PHEX: variants seen among roughly 807,000 people sequenced by gnomAD.
PHEX encodes the protein phosphate-regulating neutral endopeptidase PHEX.
In PHEX, 16 loss-of-function variants were observed where a neutral mutation model predicts 68.0. That is an observed-to-expected ratio of 0.24 (90% CI 0.16 to 0.36). The LOEUF (loss-of-function observed/expected upper bound fraction) is 0.36, where lower values mean the gene tolerates loss of function less well. Among genes scored for constraint, PHEX ranks in the 10% least tolerant of loss-of-function variants. PHEX has a pLI of 1.00. For missense variants in PHEX, 480 were observed against 575.5 expected (o/e 0.83, Z 1.70); for synonymous variants, 208 against 205.1 (o/e 1.01, Z -0.12).
chrX:22,043,095 T>C (rs748221282), intron 2 of PHEX, among the ~76,000 whole-genome samples: 1 of 112,906 alleles, frequency 8.9e-6, no homozygotes, highest in South Asian at 3.6e-4. Flanking sequence ...AAGTATTACA[T>C]GATCTGTGGT....
intron 12 of PHEX, among the ~76,000 whole-genome samples, chrX:22,136,830 G>A (rs377756185): frequency 8.9e-6 from 1 of 111,807 alleles, no homozygotes; most frequent in African/African-American, 3.3e-5. Flanking sequence ...GGGTAAATTT[G>A]TTTTCTCTGT....
chrX:22,141,381 A>G (rs1932450623), intron 12 of PHEX, among the ~76,000 whole-genome samples: 1 of 112,029 alleles, frequency 8.9e-6, no homozygotes, highest in Non-Finnish European at 1.9e-5. Flanking sequence ...CAATGGGAAT[A>G]TTATTACTGC....
intron 5 of PHEX, among the ~76,000 whole-genome samples, chrX:22,088,443 G>A (rs1929713739): frequency 9.0e-6 from 1 of 111,283 alleles, no homozygotes; most frequent in Admixed American, 9.5e-5. Context: ...ATACATGAGT[G>A]ATCCAACTTT....
chrX:22,201,495 G>GCTACACCT (rs751711995), intron 15 of PHEX, among the ~76,000 whole-genome samples: 12,961 of 109,787 alleles, frequency 0.12, 851 homozygotes, highest in African/African-American at 0.24. Flanking sequence ...CTGCTACACC[G>GCTACACCT]ATTTTAAGGC....
chrX:22,220,019 C>CT (rs1935220719), intron 17 of PHEX, among the ~76,000 whole-genome samples: 1 of 112,375 alleles, frequency 8.9e-6, no homozygotes, highest in South Asian at 3.7e-4. Context: ...CAGAATATGA[C>CT]ATAAACTAAA....
At position 22,047,078 on chromosome X, in the gene PHEX, G is replaced by A; in HGVS notation, c.216G>A (p.Leu72=). ...CTGCCATCTTAAGTAAAGTAAATCTGTCTGTGGATCCTTGTGATAATTTCT... is the reference window on the plus strand; with the variant it reads ...CTGCCATCTTAAGTAAAGTAAATCTATCTGTGGATCCTTGTGATAATTTCT... ...AAAAILSKVN[L]SVDPCDNFFR... is the part of the protein sequence containing the mutation. The change falls in exon 3 of 22, where the codon CTG becomes CTA. Residue 72 remains leucine, a synonymous_variant. Coordinates refer to ENST00000379374, the MANE Select transcript of PHEX (RefSeq NM_000444.6). 2 of 1,209,558 alleles carry A rather than the reference G, an allele frequency of 1.7e-6. No homozygotes were observed. The highest frequency in any genetic ancestry group is 2.2e-6 in the Non-Finnish European group (2 of 893,443).
intron 20 of PHEX, among the ~76,000 whole-genome samples, chrX:22,243,400 A>G (rs1297493349): frequency 1.8e-5 from 2 of 111,982 alleles, no homozygotes; most frequent in African/African-American, 3.2e-5. Context: ...AAACACCAAA[A>G]TCGATGGCAA....
chrX:22,104,427 A>G (rs921908923), intron 9 of PHEX, among the ~76,000 whole-genome samples: 2 of 109,992 alleles, frequency 1.8e-5, no homozygotes, highest in African/African-American at 6.6e-5. Context: ...GTGGGGAACA[A>G]GAGCTGGTGT....
intron 14 of PHEX, among the ~76,000 whole-genome samples, chrX:22,182,711 C>T (rs993263326): frequency 9.1e-6 from 1 of 110,183 alleles, no homozygotes; most frequent in Non-Finnish European, 1.9e-5. Context: ...TCTATGTTGG[C>T]CATTTTTATC....
intron 20 of PHEX, among the ~76,000 whole-genome samples, chrX:22,230,956 A>G (rs1301934750): frequency 1.8e-5 from 2 of 111,944 alleles, no homozygotes; most frequent in Non-Finnish European, 3.8e-5. Flanking sequence ...CGTGCCATCA[A>G]TACCTAGTTT....
At chrX:22,124,433 CCA>C (rs1182103812) in intron 11 of PHEX, among the ~76,000 whole-genome samples, 2 of 111,800 alleles carry the variant, frequency 1.8e-5, no homozygotes, top group Non-Finnish European at 3.8e-5. Flanking sequence ...ATATTATCAG[CCA>C]CAGTCTTGTC....
intron 2 of PHEX, 65 bp downstream of exon 2, chrX:22,038,602 G>T (rs1249107815): frequency 1.4e-6 from 1 of 711,841 alleles, no homozygotes; most frequent in Non-Finnish European, 2.3e-6. Context: ...TGGAAGAGAA[G>T]ACAGGTGGTA....
chrX:22,034,386 C>T (rs1926921938), intron 1 of PHEX, among the ~76,000 whole-genome samples: 1 of 112,268 alleles, frequency 8.9e-6, no homozygotes, highest in Non-Finnish European at 1.9e-5. Flanking sequence ...ATTACCACTG[C>T]ACGAAACTTT....
chrX:22,133,534 G>C lies in PHEX; in HGVS notation c.1314G>C (p.Leu438Phe). 2 of 1,204,766 alleles carry C rather than the reference G, an allele frequency of 1.7e-6. No homozygotes were observed. Among genetic ancestry groups the C allele is most frequent in the Non-Finnish European group, 2.2e-6 (2 of 889,232 alleles). The change falls in exon 12 of 22, where the codon TTG becomes TTC. Residue 438 changes from leucine (L) to phenylalanine (F), a missense_variant. By Grantham distance (22) the Leu-to-Phe change is conservative. Transcript: ENST00000379374. ...QEDKKEMMEE[L>F]VEGVRWAFID... ...GTATTTTCTTGTAGATGGAGGAATT[G>C]GTTGAGGGCGTTCGCTGGGCCTTTA...
At chrX:22,172,040 T>A (rs1466023477) in intron 13 of PHEX, 1 of 111,930 alleles carries the variant, frequency 8.9e-6, no homozygotes, top group Non-Finnish European at 1.9e-5. Context: ...AAGAGGTAAA[T>A]ATGCAAAGGA....
chrX:22,214,234 A>G (rs1235955779), intron 16 of PHEX, among the ~76,000 whole-genome samples: 2 of 110,910 alleles, frequency 1.8e-5, no homozygotes, highest in Non-Finnish European at 3.8e-5. Context: ...CTCTTCCTCC[A>G]TCTTTAAAGT....
At chrX:22,177,522 C>T (rs1933748395) in intron 13 of PHEX, among the ~76,000 whole-genome samples, 1 of 111,437 alleles carries the variant, frequency 9.0e-6, no homozygotes, top group South Asian at 3.8e-4. Context: ...AACCGTCTGC[C>T]ATTCTCCTTC....
At chrX:22,072,500 A>G (rs1928951880) in intron 3 of PHEX, among the ~76,000 whole-genome samples, 1 of 112,311 alleles carries the variant, frequency 8.9e-6, no homozygotes, top group African/African-American at 3.2e-5. Context: ...AAATATGGTA[A>G]CCATGGAGGA....
chrX:22,170,285 A>G (rs993634730), intron 13 of PHEX, among the ~76,000 whole-genome samples: 1 of 111,424 alleles, frequency 9.0e-6, no homozygotes, highest in Non-Finnish European at 1.9e-5. Context: ...ACTCCATACT[A>G]TTGGTATATA....
Sources: allele counts gnomAD v4.1 joint callset (sites outside exome capture counted in the v4.1 genomes callset), GRCh38; gene constraint gnomAD v4.1.1; transcripts MANE v1.5; gene names NCBI Gene and HGNC (gene_info 2026-07-23, HGNC 2026-07-21).